The following TTC6 variants were observed in gnomAD, a reference collection of about 807,000 sequenced individuals.
TTC6 encodes the protein tetratricopeptide repeat protein 6.
Under a neutral mutation model 210.4 loss-of-function variants are expected in TTC6, and 172 were observed. The ratio of observed to expected loss-of-function variants is 0.82; its 90% CI spans 0.72 to 0.93. The LOEUF is 0.93. TTC6 is among the 40% of genes least tolerant of loss of function. TTC6 has a pLI of 0.00. For synonymous variants in TTC6, 804 were observed against 819.6 expected (o/e 0.98, Z 0.32); for missense variants, 2,414 against 2,318.1 (o/e 1.04, Z -0.85).
chr14:37,746,624 C>A (rs2095936864), intron 10 of TTC6, among the ~76,000 whole-genome samples: 1 of 152,124 alleles, frequency 6.6e-6, no homozygotes, highest in South Asian at 2.1e-4. Flanking sequence ...GTGAGGCCAG[C>A]AGCCACCAAC....
At chr14:37,826,392 C>T in intron 28 of TTC6, 45 bp downstream of exon 30, 1 of 1,476,100 alleles carries the variant, frequency 6.8e-7, no homozygotes, top group Admixed American at 2.2e-5. Flanking sequence ...TAAATTAACA[C>T]TGTCAATGAA....
intron 5 of TTC6, among the ~76,000 whole-genome samples, chr14:37,712,491 GT>G (rs1270182111): frequency 6.6e-6 from 1 of 152,144 alleles, no homozygotes; most frequent in African/African-American, 2.4e-5. Flanking sequence ...GTATTTGTCT[GT>G]TCATATGCTG....
chr14:37,627,445 C>T (rs2095662231), intron 1 of TTC6, among the ~76,000 whole-genome samples: 4 of 151,852 alleles, frequency 2.6e-5, no homozygotes, highest in Admixed American at 2.0e-4. Context: ...TAATGCTATC[C>T]CTCCCCTAGC....
intron 6 of TTC6, among the ~76,000 whole-genome samples, chr14:37,716,769 A>G (rs1220642911): frequency 6.6e-6 from 1 of 152,160 alleles, no homozygotes; most frequent in Admixed American, 6.5e-5. Context: ...AAATTCATAG[A>G]ACACTTAGAA....
intron 6 of TTC6, among the ~76,000 whole-genome samples, chr14:37,721,492 G>A (rs2095861699): frequency 6.6e-6 from 1 of 151,854 alleles, no homozygotes; most frequent in Non-Finnish European, 1.5e-5. Context: ...GTTTTTTTCA[G>A]TGTCACAAAT....
At chr14:37,657,340 C>A (rs1365809959) in intron 1 of TTC6, among the ~76,000 whole-genome samples, 4 of 134,758 alleles carry the variant, frequency 3.0e-5, no homozygotes, top group Admixed American at 7.4e-5. Context: ...GTTTTGGAAG[C>A]TTTCTATTTA....
intron 1 of TTC6, among the ~76,000 whole-genome samples, chr14:37,669,530 C>G (rs1055585167): frequency 1.3e-5 from 2 of 152,154 alleles, no homozygotes; most frequent in Non-Finnish European, 2.9e-5. Flanking sequence ...CTTGCCCGAA[C>G]TCCTTGGTAC....
At chr14:37,792,951 C>T (rs940796982) in intron 17 of TTC6, among the ~76,000 whole-genome samples, 12 of 152,132 alleles carry the variant, frequency 7.9e-5, no homozygotes, top group Admixed American at 2.6e-4. Flanking sequence ...ATGCCCCTGC[C>T]GTGACAAATT....
chr14:37,739,875 A>T (rs2095913552), intron 10 of TTC6, among the ~76,000 whole-genome samples: 1 of 151,950 alleles, frequency 6.6e-6, no homozygotes, highest in Admixed American at 6.6e-5. Context: ...AAATCTAGAT[A>T]ATTTTGGGCC....
chr14:37,597,772 G>A (rs1017866341), intron 1 of TTC6, among the ~76,000 whole-genome samples: 13 of 152,108 alleles, frequency 8.5e-5, no homozygotes, highest in African/African-American at 3.1e-4. Flanking sequence ...TCCCGCAGGC[G>A]CCTCCGGGGA....
At chr14:37,671,601 T>C (rs2095758303) in intron 1 of TTC6, among the ~76,000 whole-genome samples, 1 of 152,158 alleles carries the variant, frequency 6.6e-6, no homozygotes, top group African/African-American at 2.4e-5. Context: ...TAATGGAATT[T>C]ATTGTTTGAT....
At chr14:37,787,924 T>TG (rs2096071731) in intron 15 of TTC6, among the ~76,000 whole-genome samples, 1 of 141,486 alleles carries the variant, frequency 7.1e-6, no homozygotes, top group African/African-American at 2.7e-5. Context: ...TGTGTGTGTG[T>TG]TAACTGTGGC....
intron 17 of TTC6, among the ~76,000 whole-genome samples, chr14:37,795,024 A>C (rs567363033): frequency 6.6e-5 from 10 of 152,214 alleles, no homozygotes; most frequent in Non-Finnish European, 1.5e-4. Context: ...TATGTGAAAT[A>C]GTATATGTAG....
intron 2 of TTC6, among the ~76,000 whole-genome samples, chr14:37,611,681 G>A (rs905344446): frequency 6.6e-6 from 1 of 151,970 alleles, no homozygotes; most frequent in African/African-American, 2.4e-5. Flanking sequence ...GGAGAAAGAG[G>A]GGGATTCAAA....
At position 37,605,260 on chromosome 14, in the gene TTC6, G is replaced by C. The variant is rs145731286; in HGVS notation, c.-234-1403G>C. Among the ~76,000 whole-genome samples, 25 of 152,278 alleles carry C rather than the reference G, an allele frequency of 1.6e-4. No homozygotes were observed. The East Asian group carries it at 4.6e-3, about 28-fold the overall frequency. ...GGCTGCAGTTCAGCTGTGGATCCAGGACTCTTTCATGAGAAATGTCCCACA... is the reference window on the plus strand; with the variant it reads ...GGCTGCAGTTCAGCTGTGGATCCAGCACTCTTTCATGAGAAATGTCCCACA... On this transcript the variant is annotated intron_variant, in intron 1 of 2. Transcript: ENST00000556845.
intron 7 of TTC6, among the ~76,000 whole-genome samples, chr14:37,732,834 C>T (rs2095891438): frequency 6.6e-6 from 1 of 151,556 alleles, no homozygotes; most frequent in Non-Finnish European, 1.5e-5. Context: ...CTTCAATCTC[C>T]TGACCTCGTG....
chr14:37,835,534 A>G (rs2096195799), intron 29 of TTC6, among the ~76,000 whole-genome samples: 1 of 152,130 alleles, frequency 6.6e-6, no homozygotes, highest in Non-Finnish European at 1.5e-5. Flanking sequence ...GTCATTAGGG[A>G]AGGCAGAGGG....
chr14:37,818,570 A>G (rs1299653975), intron 26 of TTC6, among the ~76,000 whole-genome samples: 1 of 152,176 alleles, frequency 6.6e-6, no homozygotes, highest in African/African-American at 2.4e-5. Flanking sequence ...AGTGAAACAT[A>G]GTTTGAATTA....
At chr14:37,783,438 C>G (rs1031244784) in intron 14 of TTC6, among the ~76,000 whole-genome samples, 1 of 152,114 alleles carries the variant, frequency 6.6e-6, no homozygotes, top group Admixed American at 6.6e-5. Context: ...ATAGTATTCT[C>G]TGATGGTAGT....
Sources: allele counts gnomAD v4.1 joint callset (sites outside exome capture counted in the v4.1 genomes callset), GRCh38; gene constraint gnomAD v4.1.1; transcripts MANE v1.5; gene names NCBI Gene and HGNC (gene_info 2026-07-23, HGNC 2026-07-21).